Variants in CUBN observed in about 807,000 individuals in gnomAD.
CUBN encodes the protein 460 kDa receptor.
CUBN carries 282 observed loss-of-function variants against 405.3 expected under a neutral mutation model. The ratio of observed to expected loss-of-function variants is 0.70; its 90% CI spans 0.63 to 0.77. CUBN has a LOEUF of 0.77. Ranked by LOEUF, CUBN falls within the 30% of genes least tolerant of loss-of-function variation. The pLI is 0.00. For missense variants in CUBN, 4,514 were observed against 4,475.2 expected (o/e 1.01, Z -0.25); for synonymous variants, 1,684 against 1,617.0 (o/e 1.04, Z -0.99).
In CUBN at chr10:16,828,987, G is replaced by C. The variant is rs765594222; in HGVS notation, c.10582C>G (p.Pro3528Ala). The C allele has an allele frequency of 5.0e-6, 8 of 1,614,074 alleles. No homozygotes were observed. The African/African-American group carries it at 6.7e-5, about 13-fold the overall frequency. ...DRGSFTSPGY[P>A]GTYPNNTYCE... ...TACGTGTTGTTTGGGTATGTGCCTG[G>C]ATAGCCGGGGCTGGTGAATGAGCCT... Residue 3528 changes from proline (P) to alanine (A), a missense_variant, in exon 66 of 67, where the codon CCA becomes GCA. This residue lies in a region of CUBN where 1,186 missense variants were observed against 1,186.9 expected (regional missense o/e 1.00). Coordinates refer to ENST00000377833, the MANE Select transcript of CUBN (RefSeq NM_001081.4).
At chr10:16,889,752 A>T (rs1279995634) in intron 55 of CUBN, among the ~76,000 whole-genome samples, 2 of 151,484 alleles carry the variant, frequency 1.3e-5, no homozygotes, top group Admixed American at 1.3e-4. Flanking sequence ...AAAAAAAAAA[A>T]TTAGCTGGGC....
rs781322399 is a variant in CUBN, at chr10:17,065,557, G to A, written c.3090C>T (p.Leu1030=). The A allele has an allele frequency of 2.4e-5, 38 of 1,613,504 alleles. No homozygotes were observed. Among genetic ancestry groups the A allele is most frequent in the East Asian group, 6.7e-5 (3 of 44,872 alleles). The change falls in exon 22 of 67, where the codon CTC becomes CTT. Residue 1030 remains leucine, a synonymous_variant. Coordinates refer to ENST00000377833, the MANE Select transcript of CUBN (RefSeq NM_001081.4). The stretch of plus-strand genomic sequence containing the variant: ...AGTTTATTAAGAAGCCTTCATAAGC[G>A]AGGTCGGAGTCAGTCACAAACACCA... The part of the protein sequence containing the change: ...LMLVFVTDSD[L]AYEGFLINYE...
rs193082035 is a variant in CUBN, at chr10:17,058,078, C to T, written c.3139+7430G>A. On this transcript the variant is annotated intron_variant, in intron 22 of 66. Transcript: ENST00000377833. ...CGGAGGTAGCAGTGAGCTGAGATCG[C>T]GCCACTGCACTCCAGCCTGGGTGAC... is the stretch of plus-strand genomic sequence containing the variant. Among the ~76,000 whole-genome samples, 42 of 151,974 alleles carry T rather than the reference C, an allele frequency of 2.8e-4. 1 individual carries two copies. Among genetic ancestry groups the T allele is most frequent in the Admixed American group, 1.4e-3 (22 of 15,256 alleles).
Position 16,916,798 on chromosome 10 carries a change from T to G in CUBN, c.7001-768A>C, listed in dbSNP as rs566666641. 7.2e-5 allele frequency among the ~76,000 whole-genome samples: 11 copies of G among 151,838 alleles called. No homozygotes were observed. The East Asian group carries it at 1.9e-3, about 27-fold the overall frequency. On this transcript the variant is annotated intron_variant, in intron 45 of 66. Transcript: ENST00000377833. ...GCTGAAGAGGCATATTTGCTTTCTT[T>G]TTTTCTTTTCTTTTTCTTTCTTTTT... is the stretch of plus-strand genomic sequence containing the variant.
rs993984456 is a variant in CUBN, at chr10:17,120,147, C to T, written c.593+2648G>A. Among the ~76,000 whole-genome samples the T allele has an allele frequency of 5.3e-5, 8 of 152,272 alleles. No homozygotes were observed. In the East Asian group the frequency reaches 9.6e-4, roughly 18 times the overall value. On this transcript the variant is annotated intron_variant, in intron 6 of 66. Transcript: ENST00000377833. ...GAAATTTCCCAAAGGGTTTTCTAGCCTCAGTGAATACCCTGATTAACAAGG... is the reference window on the plus strand; with the variant it reads ...GAAATTTCCCAAAGGGTTTTCTAGCTTCAGTGAATACCCTGATTAACAAGG...
intron 14 of CUBN, among the ~76,000 whole-genome samples, chr10:17,098,199 G>A (rs1836417251): frequency 6.6e-6 from 1 of 152,172 alleles, no homozygotes; most frequent in African/African-American, 2.4e-5. Flanking sequence ...CACTGGAGTA[G>A]GCCATCTTGG....
intron 32 of CUBN, among the ~76,000 whole-genome samples, chr10:16,953,116 G>C (rs1388860115): frequency 6.6e-6 from 1 of 152,178 alleles, no homozygotes; most frequent in African/African-American, 2.4e-5. Flanking sequence ...GACAGACATT[G>C]AGCATTCCAA....
In CUBN at chr10:17,071,847, A is replaced by C. The variant is rs776164361; in HGVS notation, c.2426T>G (p.Phe809Cys). Residue 809 changes from phenylalanine (F) to cysteine (C), a missense_variant, in exon 18 of 67, where the codon TTC (phenylalanine) becomes TGC (cysteine). Coordinates refer to ENST00000377833, the MANE Select transcript of CUBN (RefSeq NM_001081.4). ...KIDASVEKAS[F>C]RAVYQVACGD... ...CTTACCGACTTGATAAACAGCTCTGAAACTAGCTTTTTCAACAGAAGCATC... is the reference window on the plus strand; with the variant it reads ...CTTACCGACTTGATAAACAGCTCTGCAACTAGCTTTTTCAACAGAAGCATC... 1 of 1,612,764 alleles carries C rather than the reference A, an allele frequency of 6.2e-7. No homozygotes were observed. Among genetic ancestry groups the C allele is most frequent in the Non-Finnish European group, 8.5e-7 (1 of 1,179,770 alleles).
At chr10:17,109,765 A>T (rs906032268) in intron 9 of CUBN, 30 bp from the exon 10 acceptor site, 3 of 1,563,252 alleles carry the variant, frequency 1.9e-6, no homozygotes, top group Non-Finnish European at 2.6e-6. Context: ...GGTCATAAGA[A>T]ACAATGTCAA....
chr10:16,855,636 T>C (rs1839848785), intron 59 of CUBN, among the ~76,000 whole-genome samples: 1 of 152,202 alleles, frequency 6.6e-6, no homozygotes, highest in South Asian at 2.1e-4. Context: ...TATAAGACAC[T>C]GAATTTTGGA....
chr10:16,945,407 T>C (rs1209396832), intron 36 of CUBN, among the ~76,000 whole-genome samples: 3 of 152,200 alleles, frequency 2.0e-5, no homozygotes, highest in Non-Finnish European at 4.4e-5. Flanking sequence ...AATAAATATA[T>C]GTCTGGTAAA....
Position 16,841,624 on chromosome 10 carries a change from G to A in CUBN, c.9664-577C>T, listed in dbSNP as rs114981673. On this transcript the variant is annotated intron_variant, in intron 60 of 66. Transcript: ENST00000377833. ...TATTGTCTTCACTTTGTTCGATTCC[G>A]CTTCTTGAGCCAAACCAGGTGTGTT... 3.3e-3 allele frequency among the ~76,000 whole-genome samples: 506 copies of A among 152,086 alleles called. 3 individuals are homozygous for A. The highest frequency in any genetic ancestry group is 0.012 in the African/African-American group (478 of 41,476).
chr10:17,047,816 A>T (rs1835173777), intron 22 of CUBN, among the ~76,000 whole-genome samples: 2 of 152,208 alleles, frequency 1.3e-5, no homozygotes, highest in Admixed American at 6.5e-5. Flanking sequence ...ATGGAGAGGA[A>T]ATTGTTATAT....
At chr10:17,080,874 A>C (rs1475570139) in intron 17 of CUBN, among the ~76,000 whole-genome samples, 1 of 152,216 alleles carries the variant, frequency 6.6e-6, no homozygotes, top group African/African-American at 2.4e-5. Flanking sequence ...TATTCTATAC[A>C]ATTTAAAAGC....
chr10:16,862,260 G>A (rs1224502682), intron 59 of CUBN, among the ~76,000 whole-genome samples: 1 of 151,948 alleles, frequency 6.6e-6, no homozygotes, highest in Non-Finnish European at 1.5e-5. Context: ...AAAATCAGGA[G>A]TTTGGGGGAC....
intron 48 of CUBN, 60 bp from the exon 49 acceptor site, chr10:16,907,739 G>A: frequency 6.3e-7 from 1 of 1,575,752 alleles, no homozygotes; most frequent in East Asian, 2.2e-5. Context: ...TATTTCCTAG[G>A]AGGTGATATT....
chr10:16,825,628 A>AGTGTGTGTGTGT lies in CUBN; in HGVS notation c.10765-558_10765-547dup, dbSNP rs377156071. ...TTATTTTCATATACTTCTGTGGAAC[A>AGTGTGTGTGTGT]GTGTGTGTGTGTGTGTGTGTGTGTG... On this transcript the variant is annotated intron_variant, in intron 66 of 66. Coordinates refer to ENST00000377833, the MANE Select transcript of CUBN (RefSeq NM_001081.4). Among the ~76,000 whole-genome samples, 769 of 135,976 alleles carry AGTGTGTGTGTGT rather than the reference A, an allele frequency of 5.7e-3. 12 individuals carry two copies. The highest frequency in any genetic ancestry group is 8.0e-3 in the Middle Eastern group (2 of 250). 89.2% of individuals were successfully genotyped at this position (135,976 alleles called of 152,430 possible).
At chr10:17,056,628 G>C (rs1835403323) in intron 22 of CUBN, among the ~76,000 whole-genome samples, 1 of 151,904 alleles carries the variant, frequency 6.6e-6, no homozygotes, top group Non-Finnish European at 1.5e-5. Flanking sequence ...ACAACTTCTA[G>C]AAGGATGCAC....
At chr10:16,855,918 T>G (rs1376740775) in intron 59 of CUBN, among the ~76,000 whole-genome samples, 2 of 152,212 alleles carry the variant, frequency 1.3e-5, no homozygotes, top group African/African-American at 4.8e-5. Context: ...AGTGCTTAAA[T>G]ATAGCAAAAC....
Sources: gnomAD v4.1 joint callset for allele counts (sites outside exome capture counted in the v4.1 genomes callset) on GRCh38, gnomAD v4.1.1 for gene constraint, gnomAD v4.1.1 regional missense constraint, MANE v1.5 for transcripts, NCBI Gene and HGNC (gene_info 2026-07-23, HGNC 2026-07-21) for gene names.